FIP1L1: variants seen among roughly 807,000 people sequenced by gnomAD.
FIP1L1 encodes pre-mRNA 3'-end-processing factor FIP1.
In FIP1L1, 21 loss-of-function variants were observed where a neutral mutation model predicts 84.6. That is an observed-to-expected ratio of 0.25 (90% confidence interval 0.18 to 0.36). FIP1L1 has a LOEUF of 0.36. Ranked by LOEUF, FIP1L1 falls within the 10% of genes least tolerant of loss-of-function variation. The pLI, the probability that FIP1L1 is intolerant of heterozygous loss-of-function variation, is 1.00. For synonymous variants in FIP1L1, 263 were observed against 242.3 expected (o/e 1.09, Z -0.80); for missense variants, 526 against 751.1 (o/e 0.70, Z 3.50).
intron 10 of FIP1L1, among the ~76,000 whole-genome samples, chr4:53,407,129 T>C (rs1379984615): frequency 6.6e-6 from 1 of 152,218 alleles, no homozygotes; most frequent in Non-Finnish European, 1.5e-5. Flanking sequence ...TCTTTCCTTC[T>C]TTCTCTTGTG....
At chr4:53,451,288 C>T (rs1715759085) in intron 15 of FIP1L1, among the ~76,000 whole-genome samples, 1 of 151,132 alleles carries the variant, frequency 6.6e-6, no homozygotes, top group East Asian at 1.9e-4. Context: ...TACTCATTTT[C>T]GATCGGGGGT....
intron 5 of FIP1L1, among the ~76,000 whole-genome samples, chr4:53,388,771 T>C (rs1446071920): frequency 6.6e-6 from 1 of 152,176 alleles, no homozygotes; most frequent in Non-Finnish European, 1.5e-5. Context: ...AAGAATCCAT[T>C]ATATAAAGAA....
chr4:53,456,465 G>A (rs1486103316), intron 16 of FIP1L1, among the ~76,000 whole-genome samples: 3 of 152,126 alleles, frequency 2.0e-5, no homozygotes, highest in African/African-American at 7.2e-5. Context: ...GGAATTTTGA[G>A]TTGTTCTGAA....
chr4:53,425,960 A>C lies in FIP1L1; in HGVS notation c.1012A>C (p.Ile338Leu). The C allele has an allele frequency of 5.0e-6, 8 of 1,606,782 alleles. No individual in the cohort carries two copies. The highest frequency in any genetic ancestry group is 6.8e-6 in the Non-Finnish European group (8 of 1,174,456). Residue 338 changes from isoleucine (I) to leucine (L), a missense_variant, in exon 12 of 18, where the codon ATA becomes CTA. Ile to Leu is a conservative substitution (Grantham distance 5, BLOSUM62 2). Coordinates refer to ENST00000337488, the MANE Select transcript of FIP1L1 (RefSeq NM_030917.4). The part of the protein sequence containing the change: ...GRRRANENSN[I>L]QVLSERSATE... Reference sequence around the variant, plus strand: ...GCGACGGGCAAATGAGAACAGCAACATACAGGTTTAGTATTTTAAAATAAA... The same window carrying C: ...GCGACGGGCAAATGAGAACAGCAACCTACAGGTTTAGTATTTTAAAATAAA...
At chr4:53,435,124 T>C (rs1229628608) in intron 13 of FIP1L1, among the ~76,000 whole-genome samples, 1 of 152,206 alleles carries the variant, frequency 6.6e-6, no homozygotes, top group East Asian at 1.9e-4. Flanking sequence ...CTTGTGTTTT[T>C]CTATATTCAA....
rs181618952 is a variant in FIP1L1, at chr4:53,422,555, A to G, written c.924-3317A>G. Among the ~76,000 whole-genome samples the G allele has an allele frequency of 2.6e-5, 4 of 152,214 alleles. No homozygotes were observed. In the East Asian group the frequency reaches 5.8e-4, roughly 22 times the overall value. On this transcript the variant is annotated intron_variant, in intron 11 of 17. Transcript: ENST00000337488. ...ATTTAGAACAGTGCTTACCTTGCGCATAGTAGGTGCTCCATAAATACTAGC... is the reference window on the plus strand; with the variant it reads ...ATTTAGAACAGTGCTTACCTTGCGCGTAGTAGGTGCTCCATAAATACTAGC...
chr4:53,396,077 T>G (rs1038095016), intron 9 of FIP1L1, among the ~76,000 whole-genome samples: 5 of 151,270 alleles, frequency 3.3e-5, no homozygotes, highest in Non-Finnish European at 7.4e-5. Flanking sequence ...TACCACCACA[T>G]CTGTATGTTT....
intron 10 of FIP1L1, among the ~76,000 whole-genome samples, chr4:53,411,445 A>T (rs562203088): frequency 6.6e-6 from 1 of 152,246 alleles, no homozygotes; most frequent in South Asian, 2.1e-4. Context: ...TAAAAAGGAT[A>T]CTTTGCAGTC....
chr4:53,378,114 G>A (rs1018248447), intron 1 of FIP1L1, 191 bp downstream of exon 1: 37 of 480,850 alleles, frequency 7.7e-5, no homozygotes, highest in African/African-American at 5.3e-4. Context: ...CCTGGCCCAC[G>A]CCCACCATGC....
chr4:53,378,078 C>A, intron 1 of FIP1L1, 155 bp downstream of exon 1: 1 of 586,070 alleles, frequency 1.7e-6, no homozygotes, highest in Non-Finnish European at 2.8e-6. Flanking sequence ...CGTGCGCGTG[C>A]CCCCAGTCCC....
chr4:53,427,410 A>C (rs1404482820), intron 12 of FIP1L1, among the ~76,000 whole-genome samples: 1 of 152,182 alleles, frequency 6.6e-6, no homozygotes, highest in East Asian at 1.9e-4. Flanking sequence ...TAACCTGTTC[A>C]CACAAAGAAG....
intron 5 of FIP1L1, among the ~76,000 whole-genome samples, chr4:53,389,534 T>C (rs1271072553): frequency 6.6e-6 from 1 of 152,200 alleles, no homozygotes; most frequent in Non-Finnish European, 1.5e-5. Context: ...AAAATATGTG[T>C]TAGCTGGGCA....
At position 53,390,141 on chromosome 4, in the gene FIP1L1, T is replaced by C. The variant is rs549328417; in HGVS notation, c.397+268T>C. On this transcript the variant is annotated intron_variant, in intron 6 of 17. Transcript: ENST00000337488. ...TTTATGTAGAGACCAGGTCTCACCA[T>C]GTTGTTCAGGCTGCTCTTGAACTTT... 2.1e-3 allele frequency among the ~76,000 whole-genome samples: 327 copies of C among 152,278 alleles called. 3 individuals are homozygous for C. The highest frequency in any genetic ancestry group is 6.8e-3 in the Middle Eastern group (2 of 294).
intron 3 of FIP1L1, among the ~76,000 whole-genome samples, chr4:53,380,631 T>C (rs550238825): frequency 1.5e-4 from 23 of 152,316 alleles, no homozygotes; most frequent in Non-Finnish European, 2.1e-4. Flanking sequence ...TAGGAGGAGC[T>C]GAAACTACAG....
intron 3 of FIP1L1, among the ~76,000 whole-genome samples, 183 bp downstream of exon 3, chr4:53,379,447 A>G (rs1029874801): frequency 7.2e-5 from 11 of 152,186 alleles, no homozygotes; most frequent in African/African-American, 2.4e-4. Context: ...CGCCAATTCT[A>G]TTTGTTGGTA....
chr4:53,443,904 T>A (rs1446378003), intron 14 of FIP1L1, 144 bp from the exon 15 acceptor site: 17 of 513,276 alleles, frequency 3.3e-5, no homozygotes, highest in Non-Finnish European at 5.8e-5. Context: ...CATGTTTTAT[T>A]AATAAAATTA....
chr4:53,429,512 T>G (rs1369547731), intron 13 of FIP1L1, among the ~76,000 whole-genome samples: 1 of 152,190 alleles, frequency 6.6e-6, no homozygotes, highest in Non-Finnish European at 1.5e-5. Context: ...AAGAATTAGA[T>G]AAATAAAAGG....
At chr4:53,385,530 A>T (rs553315346) in intron 5 of FIP1L1, among the ~76,000 whole-genome samples, 94 of 152,276 alleles carry the variant, frequency 6.2e-4, no homozygotes, top group South Asian at 5.2e-3. Flanking sequence ...ACTGTGATTT[A>T]TGGAGTTTTC....
At chr4:53,437,286 G>A (rs1178923010) in intron 13 of FIP1L1, among the ~76,000 whole-genome samples, 1 of 119,774 alleles carries the variant, frequency 8.3e-6, no homozygotes, top group Non-Finnish European at 1.6e-5. Flanking sequence ...CCGTGGTCAT[G>A]CCACTCACCC....
Sources: gnomAD v4.1 joint callset for allele counts (sites outside exome capture counted in the v4.1 genomes callset) on GRCh38, gnomAD v4.1.1 for gene constraint, MANE v1.5 for transcripts, NCBI Gene and HGNC (gene_info 2026-07-23, HGNC 2026-07-21) for gene names.